The following CNTNAP2 variants were observed in gnomAD, a reference collection of about 807,000 sequenced individuals.
The protein encoded by CNTNAP2 is contactin-associated protein-like 2.
In CNTNAP2, 98 loss-of-function variants were observed where a neutral mutation model predicts 155.2. The observed-to-expected ratio is 0.63, with a 90% CI of 0.54 to 0.75. CNTNAP2 has a LOEUF of 0.75. CNTNAP2 is among the 30% of genes least tolerant of loss of function. The pLI, the probability that CNTNAP2 is intolerant of heterozygous loss-of-function variation, is 0.00. For synonymous variants in CNTNAP2, 651 were observed against 631.2 expected (o/e 1.03, Z -0.47); for missense variants, 1,727 against 1,688.1 (o/e 1.02, Z -0.40).
intron 8 of CNTNAP2, among the ~76,000 whole-genome samples, chr7:147,245,508 T>C (rs1253460590): frequency 6.6e-6 from 1 of 151,974 alleles, no homozygotes; most frequent in Non-Finnish European, 1.5e-5. Flanking sequence ...AGGAAACCCA[T>C]TTGCTTTCAT....
chr7:148,257,812 G>T (rs573127324), intron 20 of CNTNAP2, among the ~76,000 whole-genome samples: 29 of 152,116 alleles, frequency 1.9e-4, no homozygotes, highest in Non-Finnish European at 3.8e-4. Flanking sequence ...ACTCAAACTC[G>T]ATGTCAATAA....
chr7:148,022,581 G>A (rs1424007939), intron 15 of CNTNAP2, among the ~76,000 whole-genome samples: 3 of 152,132 alleles, frequency 2.0e-5, no homozygotes, highest in African/African-American at 7.2e-5. Context: ...GGAGTACCCG[G>A]GTTCCATCAG....
chr7:148,376,688 A>G (rs1798980910), intron 21 of CNTNAP2, among the ~76,000 whole-genome samples: 1 of 68,628 alleles, frequency 1.5e-5, no homozygotes, highest in African/African-American at 3.6e-5. Flanking sequence ...TAAGAGAGAA[A>G]AGCATCTAAT....
chr7:147,321,752 C>T (rs781668178), intron 9 of CNTNAP2, among the ~76,000 whole-genome samples: 20 of 152,182 alleles, frequency 1.3e-4, no homozygotes, highest in Non-Finnish European at 1.9e-4. Flanking sequence ...TATTTAGCTA[C>T]GGTATAACAA....
chr7:146,905,149 G>A (rs951550217), intron 3 of CNTNAP2, among the ~76,000 whole-genome samples: 3 of 151,812 alleles, frequency 2.0e-5, no homozygotes, highest in Admixed American at 6.6e-5. Context: ...CCCTACTCAC[G>A]TTGTGACAAT....
chr7:147,218,887 C>T (rs1803332433), intron 8 of CNTNAP2, among the ~76,000 whole-genome samples: 1 of 152,142 alleles, frequency 6.6e-6, no homozygotes, highest in Non-Finnish European at 1.5e-5. Flanking sequence ...GTTTTTGCCT[C>T]ACATACTTTG....
intron 2 of CNTNAP2, among the ~76,000 whole-genome samples, chr7:146,801,727 T>A (rs1422853454): frequency 6.6e-6 from 1 of 152,174 alleles, no homozygotes. Flanking sequence ...AAGTGTGTTG[T>A]TAGGAGATTT....
intron 1 of CNTNAP2, among the ~76,000 whole-genome samples, chr7:146,428,160 G>T (rs181229514): frequency 6.6e-6 from 1 of 152,198 alleles, no homozygotes; most frequent in Non-Finnish European, 1.5e-5. Flanking sequence ...CATTTAGGTT[G>T]ATTTCATGTC....
At chr7:146,388,892 G>C (rs1456673061) in intron 1 of CNTNAP2, among the ~76,000 whole-genome samples, 1 of 152,058 alleles carries the variant, frequency 6.6e-6, no homozygotes, top group Non-Finnish European at 1.5e-5. Flanking sequence ...CTTGATTGTA[G>C]ATCTTGCTGT....
chr7:146,675,628 A>G (rs1010670046), intron 1 of CNTNAP2, among the ~76,000 whole-genome samples: 5 of 152,190 alleles, frequency 3.3e-5, no homozygotes, highest in Non-Finnish European at 1.5e-5. Context: ...TTGGCTTTAA[A>G]GAGGTGAATA....
At chr7:146,572,941 G>T (rs1011853270) in intron 1 of CNTNAP2, among the ~76,000 whole-genome samples, 6 of 152,140 alleles carry the variant, frequency 3.9e-5, no homozygotes, top group Non-Finnish European at 8.8e-5. Context: ...ACAAACTGGT[G>T]ATATGGGTTT....
intron 16 of CNTNAP2, among the ~76,000 whole-genome samples, chr7:148,119,531 G>A (rs563995411): frequency 8.6e-5 from 13 of 151,988 alleles, no homozygotes; most frequent in East Asian, 1.9e-4. Context: ...GCGAGACTCC[G>A]TCTCAGAAAA....
rs575573469 is a variant in CNTNAP2, at chr7:146,974,421, A to G, written c.403-69486A>G. Reference sequence around the variant, plus strand: ...CCATTGCACTCCAGCCTGGGCGACAAGAGCAAAACTCCGTCTTAAAAAAAA... The same window carrying G: ...CCATTGCACTCCAGCCTGGGCGACAGGAGCAAAACTCCGTCTTAAAAAAAA... On this transcript the variant is annotated intron_variant, in intron 3 of 23. Transcript: ENST00000361727. Among the ~76,000 whole-genome samples the G allele has an allele frequency of 6.6e-5, 10 of 151,764 alleles. 1 individual carries two copies. In the South Asian group the frequency reaches 2.1e-3, roughly 32 times the overall value.
chr7:147,991,750 T>A (rs1251652549), intron 15 of CNTNAP2, among the ~76,000 whole-genome samples: 1 of 152,178 alleles, frequency 6.6e-6, no homozygotes, highest in Non-Finnish European at 1.5e-5. Context: ...TTTATCCATG[T>A]CTCAAGGTTA....
intron 12 of CNTNAP2, 178 bp from the exon 13 acceptor site, chr7:147,638,928 C>T (rs914046244): frequency 2.8e-6 from 2 of 717,518 alleles, no homozygotes; most frequent in Non-Finnish European, 5.1e-6. Flanking sequence ...ACTTTGTCCT[C>T]ATAAGCAGAA....
intron 3 of CNTNAP2, among the ~76,000 whole-genome samples, chr7:147,037,658 TC>T (rs558591882): frequency 6.6e-6 from 1 of 152,164 alleles, no homozygotes; most frequent in African/African-American, 2.4e-5. Flanking sequence ...AGACGGGGTT[TC>T]ACCATGTTGG....
chr7:147,539,006 A>T (rs1461560761), intron 11 of CNTNAP2, among the ~76,000 whole-genome samples: 3 of 152,134 alleles, frequency 2.0e-5, no homozygotes, highest in Middle Eastern at 3.2e-3. Context: ...GGGCTGAATG[A>T]TGCCAGCTTT....
intron 1 of CNTNAP2, among the ~76,000 whole-genome samples, chr7:146,733,690 A>G (rs1801565243): frequency 6.6e-6 from 1 of 152,084 alleles, no homozygotes; most frequent in Non-Finnish European, 1.5e-5. Context: ...TCATGGAGGA[A>G]GAGCCAGGAC....
chr7:146,163,499 CTATATATCTA>C (rs202172931), intron 1 of CNTNAP2, among the ~76,000 whole-genome samples: 5,444 of 91,872 alleles, frequency 0.059, 295 homozygotes, highest in African/African-American at 0.17. Flanking sequence ...ATATCTATAT[CTATATATCTA>C]TATATATCTA....
Sources: allele counts gnomAD v4.1 joint callset (sites outside exome capture counted in the v4.1 genomes callset), GRCh38; gene constraint gnomAD v4.1.1; transcripts MANE v1.5; gene names NCBI Gene and HGNC (gene_info 2026-07-23, HGNC 2026-07-21).